Variants in CACNA1G observed in about 807,000 individuals in gnomAD.
CACNA1G encodes the protein calcium voltage-gated channel subunit alpha1 G.
A neutral mutation model predicts 219.4 loss-of-function variants in CACNA1G; 67 were observed. The ratio of observed to expected loss-of-function variants is 0.31; its 90% CI spans 0.25 to 0.37. CACNA1G has a LOEUF of 0.37. CACNA1G is among the 10% of genes least tolerant of loss of function. The pLI, the probability that CACNA1G is intolerant of heterozygous loss-of-function variation, is 1.00. For missense variants in CACNA1G, 2,380 were observed against 3,231.4 expected, an observed-to-expected ratio of 0.74 and a Z score of 6.39; for synonymous variants, 1,296 against 1,345.3, an observed-to-expected ratio of 0.96 and a Z score of 0.80.
chr17:50,603,726 T>C lies in CACNA1G; in HGVS notation c.4170-429T>C, dbSNP rs183504432. 2.5e-3 allele frequency among the ~76,000 whole-genome samples: 375 copies of C among 151,898 alleles called. 1 individual carries two copies. The highest frequency in any genetic ancestry group is 8.8e-3 in the African/African-American group (365 of 41,378). Reference sequence around the variant, plus strand: ...ACCCCCAACTCAGATTTTTTTTTTTTAATAGGGATGATGTGGACTAATGGC... The same window carrying C: ...ACCCCCAACTCAGATTTTTTTTTTTCAATAGGGATGATGTGGACTAATGGC... On this transcript the variant is annotated intron_variant, in intron 21 of 37. Coordinates refer to ENST00000359106, the MANE Select transcript of CACNA1G (RefSeq NM_018896.5). This position sits in a 1 kb window ranked among gnomAD's most constrained non-coding sequence, Gnocchi z 6.4.
chr17:50,566,148 G>A (rs1465906702), intron 1 of CACNA1G, among the ~76,000 whole-genome samples: 3 of 152,156 alleles, frequency 2.0e-5, no homozygotes, highest in African/African-American at 4.8e-5. Flanking sequence ...CCTCAGTCAG[G>A]GGAGATCATG....
chr17:50,584,692 AAG>A (rs1336843540), intron 9 of CACNA1G, among the ~76,000 whole-genome samples: 1 of 151,962 alleles, frequency 6.6e-6, no homozygotes, highest in Non-Finnish European at 1.5e-5. Context: ...CCAGGAGAGG[AAG>A]AGAGACAGTG....
intron 13 of CACNA1G, 95 bp from the exon 14 acceptor site, chr17:50,594,898 C>A: frequency 1.1e-6 from 1 of 920,680 alleles, no homozygotes; most frequent in Non-Finnish European, 1.7e-6. Context: ...GTTTGCGCCC[C>A]TCCTTTTCTT....
At chr17:50,565,563 G>T (rs1161807387) in intron 1 of CACNA1G, among the ~76,000 whole-genome samples, 1 of 152,096 alleles carries the variant, frequency 6.6e-6, no homozygotes, top group Non-Finnish European at 1.5e-5. Flanking sequence ...AGGACTCCTG[G>T]GTCCAGGCCC....
rs1434966602 is a variant in CACNA1G at position 50,624,537 on chromosome 17, G to A, written c.6399+8G>A. ...AGGCCACTCAGGCGCCAGGTGAGCA[G>A]ATGTGGAAAGGCAGGCACAGGCCTG... On this transcript the variant is annotated splice_region_variant and intron_variant, in intron 37 of 37. Coordinates refer to ENST00000359106, the MANE Select transcript of CACNA1G (RefSeq NM_018896.5). The A allele has an allele frequency of 1.9e-6, 3 of 1,575,210 alleles. No individual in the cohort carries two copies. In the African/African-American group the frequency reaches 4.1e-5, roughly 21 times the overall value.
chr17:50,619,067 G>A, intron 33 of CACNA1G, 59 bp downstream of exon 33: 1 of 1,348,602 alleles, frequency 7.4e-7, no homozygotes, highest in Non-Finnish European at 9.9e-7. Context: ...GGTGTGGAGG[G>A]TGGTGGGCGG....
chr17:50,608,331 G>A (rs2048384665), intron 25 of CACNA1G, among the ~76,000 whole-genome samples: 1 of 151,960 alleles, frequency 6.6e-6, no homozygotes, highest in African/African-American at 2.4e-5. Flanking sequence ...ACTCTCAGAG[G>A]AGCCTCACTG....
chr17:50,606,296 CAT>C (rs2047949061), intron 23 of CACNA1G: 1 of 691,772 alleles, frequency 1.4e-6, no homozygotes, highest in Non-Finnish European at 2.7e-6. Flanking sequence ...CACAGAGCTA[CAT>C]GGTGGAGCAG....
In CACNA1G at chr17:50,576,132, C is replaced by T; in HGVS notation, c.1730C>T (p.Ser577Phe). The T allele has an allele frequency of 6.2e-7, 1 of 1,605,792 alleles. No individual in the cohort carries two copies. The highest frequency in any genetic ancestry group is 8.5e-7 in the Non-Finnish European group (1 of 1,176,942). The change falls in exon 8 of 38, where the codon TCT becomes TTT. Residue 577 changes from serine to phenylalanine, a missense_variant. This residue lies in a region of CACNA1G where 434 missense variants were observed against 417.3 expected (regional missense o/e 1.04). Coordinates refer to ENST00000359106, the MANE Select transcript of CACNA1G (RefSeq NM_018896.5). Reference sequence around the variant, plus strand: ...CAGGCGCCCCCTCCCAGGTCCCCATCTGAGGCATCCGGCAGGACTGTGGGC... The same window carrying T: ...CAGGCGCCCCCTCCCAGGTCCCCATTTGAGGCATCCGGCAGGACTGTGGGC... ...RCQAPPPRSP[S>F]EASGRTVGSG...
Position 50,626,093 on chromosome 17 carries a change from C to T in CACNA1G, c.6476C>T (p.Pro2159Leu), listed in dbSNP as rs1598875923. The T allele has an allele frequency of 1.2e-6, 2 of 1,613,566 alleles. No homozygotes were observed. Among genetic ancestry groups the T allele is most frequent in the Non-Finnish European group, 1.7e-6 (2 of 1,179,818 alleles). Residue 2159 changes from proline (P) to leucine (L), a missense_variant, in exon 38 of 38, where the codon CCC becomes CTC. Transcript: ENST00000359106. The surrounding 1 kb of genome is among the most constrained non-coding windows in gnomAD (Gnocchi z 4.3). ...REDLLAEVSG[P>L]SPPLARAYSF... ...GACCTGCTGGCAGAGGTGAGTGGGC[C>T]CTCCCCGCCCCTGGCCCGGGCCTAC... is the stretch of plus-strand genomic sequence containing the variant.
chr17:50,612,710 G>A (rs933620660), intron 26 of CACNA1G, among the ~76,000 whole-genome samples: 6 of 152,208 alleles, frequency 3.9e-5, no homozygotes, highest in African/African-American at 1.4e-4. Context: ...GTTGCCTTGC[G>A]GCCCTCCTTC....
chr17:50,572,480 C>A, intron 5 of CACNA1G, 74 bp from the exon 6 acceptor site: 1 of 1,304,652 alleles, frequency 7.7e-7, no homozygotes, highest in Admixed American at 2.7e-5. Context: ...CTCGTGCCAT[C>A]TCTCCCTTCC....
Position 50,569,315 on chromosome 17 carries a change from G to C in CACNA1G, c.488+17G>C, listed in dbSNP as rs1598050709. 1.9e-6 allele frequency: 3 copies of C among 1,613,074 alleles called. No homozygotes were observed. Among genetic ancestry groups the C allele is most frequent in the Non-Finnish European group, 2.5e-6 (3 of 1,179,716 alleles). On this transcript the variant is annotated intron_variant, in intron 3 of 37. Transcript: ENST00000359106. ...CATCGCAGGGTGAGGACCTGGGCTG[G>C]GGTGGGAGAGCAATGGATCAGATCG...
rs764951130 is a variant in CACNA1G at position 50,576,126 on chromosome 17, C to T, written c.1724C>T (p.Ser575Phe). The T allele has an allele frequency of 8.7e-6, 14 of 1,604,014 alleles. No homozygotes were observed. Among genetic ancestry groups the T allele is most frequent in the African/African-American group, 4.0e-5 (3 of 74,732 alleles). Reference protein sequence around the residue: ...PVRCQAPPPRSPSEASGRTVG... With the variant: ...PVRCQAPPPRFPSEASGRTVG... ...CGCTGCCAGGCGCCCCCTCCCAGGTCCCCATCTGAGGCATCCGGCAGGACT... is the reference window on the plus strand; with the variant it reads ...CGCTGCCAGGCGCCCCCTCCCAGGTTCCCATCTGAGGCATCCGGCAGGACT... Residue 575 changes from serine to phenylalanine, a missense_variant, in exon 8 of 38, where the codon TCC becomes TTC. Coordinates refer to ENST00000359106, the MANE Select transcript of CACNA1G (RefSeq NM_018896.5).
At chr17:50,590,379 G>C in intron 9 of CACNA1G, 92 bp from the exon 10 acceptor site, 1 of 1,404,478 alleles carries the variant, frequency 7.1e-7, no homozygotes, top group South Asian at 1.2e-5. Context: ...TGCTATTCCT[G>C]CTCCTCCTCT....
At position 50,618,370 on chromosome 17, in the gene CACNA1G, C is replaced by T. The variant is rs1337524224; in HGVS notation, c.5427+27C>T. 7 of 1,606,316 alleles carry T rather than the reference C, an allele frequency of 4.4e-6. No homozygotes were observed. Among genetic ancestry groups the T allele is most frequent in the Non-Finnish European group, 6.0e-6 (7 of 1,174,780 alleles). On this transcript the variant is annotated intron_variant, in intron 32 of 37. Transcript: ENST00000359106. The surrounding 1 kb of genome is among the most constrained non-coding windows in gnomAD (Gnocchi z 5.3). ...TAAGGGCCCAGGGTTGGCCTAGGCT[C>T]CAGGGAGGCAGCCCCACTTCCTGAG...
chr17:50,624,607 T>A, intron 37 of CACNA1G, 78 bp downstream of exon 37: 1 of 1,308,032 alleles, frequency 7.6e-7, no homozygotes, highest in East Asian at 2.5e-5. Flanking sequence ...GTTGACACTT[T>A]CATTCTTCCA....
intron 1 of CACNA1G, chr17:50,563,376 A>T (rs376297836): frequency 6.6e-6 from 1 of 152,246 alleles, no homozygotes; most frequent in Non-Finnish European, 1.5e-5. Context: ...CCAGGCAGGG[A>T]TGGAGATGGA....
At chr17:50,581,473 C>T (rs945378728) in intron 9 of CACNA1G, among the ~76,000 whole-genome samples, 5 of 152,076 alleles carry the variant, frequency 3.3e-5, no homozygotes, top group Admixed American at 6.5e-5. Flanking sequence ...TGGCCGTCAC[C>T]GCTGCCCTCC....
Sources: gnomAD v4.1 joint callset for allele counts (sites outside exome capture counted in the v4.1 genomes callset) on GRCh38, gnomAD v4.1.1 for gene constraint, gnomAD v4.1.1 regional missense constraint, Gnocchi (gnomAD v3.1) non-coding constraint, MANE v1.5 for transcripts, NCBI Gene and HGNC (gene_info 2026-07-23, HGNC 2026-07-21) for gene names.